The following SEMA5A variants were observed in gnomAD, a reference collection of about 807,000 sequenced individuals.
The protein encoded by SEMA5A is semaphorin 5A.
Under a neutral mutation model 135.5 loss-of-function variants are expected in SEMA5A, and 55 were observed. The ratio of observed to expected loss-of-function variants is 0.41; its 90% confidence interval spans 0.33 to 0.51. SEMA5A has a LOEUF of 0.51. Ranked by LOEUF, SEMA5A falls within the 20% of genes least tolerant of loss-of-function variation. SEMA5A has a pLI of 0.37. For synonymous variants in SEMA5A, 580 were observed against 546.5 expected, an observed-to-expected ratio of 1.06 and a Z score of -0.85; for missense variants, 1,290 against 1,419.9, an observed-to-expected ratio of 0.91 and a Z score of 1.47.
At chr5:9,346,817 T>C (rs1325205362) in intron 3 of SEMA5A, among the ~76,000 whole-genome samples, 3 of 151,950 alleles carry the variant, frequency 2.0e-5, no homozygotes, top group African/African-American at 7.3e-5. Flanking sequence ...TGGGAAGGGG[T>C]CAGGGAAATA....
rs565554879 is a variant in SEMA5A, at chr5:9,429,439, A to C, written c.-78+8317T>G. Among the ~76,000 whole-genome samples, 3 of 152,300 alleles carry C rather than the reference A, an allele frequency of 2.0e-5. No individual in the cohort carries two copies. In the East Asian group the frequency reaches 5.8e-4, roughly 29 times the overall value. On this transcript the variant is annotated intron_variant, in intron 2 of 22. Transcript: ENST00000382496. ...GCAGTGAGTGAACAAAATAAGCAAA[A>C]TCCCTGGCAGGGTAGAGCTTACATG...
chr5:9,223,773 G>A (rs1297517675), intron 8 of SEMA5A, among the ~76,000 whole-genome samples: 1 of 152,154 alleles, frequency 6.6e-6, no homozygotes, highest in Non-Finnish European at 1.5e-5. Context: ...GTGTGTGTGT[G>A]AGACCACACT....
At chr5:9,059,677 GT>G (rs1737077731) in intron 18 of SEMA5A, among the ~76,000 whole-genome samples, 1 of 152,098 alleles carries the variant, frequency 6.6e-6, no homozygotes, top group Admixed American at 6.5e-5. Flanking sequence ...AACCTCCTAA[GT>G]AGCTGGGATT....
chr5:9,484,476 T>G (rs1309201399), intron 1 of SEMA5A, among the ~76,000 whole-genome samples: 1 of 152,208 alleles, frequency 6.6e-6, no homozygotes, highest in South Asian at 2.1e-4. Flanking sequence ...TGACACTAAA[T>G]GGAAACACTA....
At chr5:9,147,474 G>A (rs575649629) in intron 12 of SEMA5A, among the ~76,000 whole-genome samples, 11 of 152,038 alleles carry the variant, frequency 7.2e-5, no homozygotes, top group East Asian at 1.9e-4. Flanking sequence ...GTTTCACCAC[G>A]TTGGCCAGGC....
chr5:9,438,458 T>C (rs1316515086), intron 1 of SEMA5A, among the ~76,000 whole-genome samples: 1 of 152,222 alleles, frequency 6.6e-6, no homozygotes, highest in African/African-American at 2.4e-5. Flanking sequence ...CAATTTCATA[T>C]ACAAAAATTC....
At chr5:9,201,871 T>A in intron 9 of SEMA5A, 84 bp downstream of exon 9, 1 of 1,359,596 alleles carries the variant, frequency 7.4e-7, no homozygotes, top group South Asian at 1.5e-5. Context: ...CTAAAGTAAA[T>A]TTAAAACCTC....
At chr5:9,228,242 G>A (rs951876011) in intron 6 of SEMA5A, among the ~76,000 whole-genome samples, 5 of 152,152 alleles carry the variant, frequency 3.3e-5, no homozygotes, top group Non-Finnish European at 5.9e-5. Flanking sequence ...GGTGTAGAGA[G>A]GCTTCCTGAA....
intron 5 of SEMA5A, among the ~76,000 whole-genome samples, chr5:9,243,269 G>T (rs1369394382): frequency 6.6e-6 from 1 of 152,142 alleles, no homozygotes; most frequent in Admixed American, 6.5e-5. Flanking sequence ...CCTGTGGTAC[G>T]ACTTGGCTTA....
intron 1 of SEMA5A, among the ~76,000 whole-genome samples, chr5:9,507,535 C>T (rs1735961649): frequency 6.6e-6 from 1 of 152,124 alleles, no homozygotes; most frequent in South Asian, 2.1e-4. Flanking sequence ...TGAGGTCTTT[C>T]CTTATTTCTT....
At position 9,202,201 on chromosome 5, in the gene SEMA5A, G is replaced by A. The variant is rs1483225636; in HGVS notation, c.686C>T (p.Thr229Ile). The A allele has an allele frequency of 6.2e-7, 1 of 1,614,034 alleles. No homozygotes were observed. The highest frequency in any genetic ancestry group is 2.2e-5 in the East Asian group (1 of 44,876). ...FVSSYDIGNFTYFFFRENAVE... is the reference protein window; with the variant it reads ...FVSSYDIGNFIYFFFRENAVE... ...TGCATTTTCTCGGAAAAAGAAGTAGGTAAAATTTCCGATGTCATAAGATGA... is the reference window on the plus strand; with the variant it reads ...TGCATTTTCTCGGAAAAAGAAGTAGATAAAATTTCCGATGTCATAAGATGA... Residue 229 changes from threonine to isoleucine, a missense_variant, in exon 9 of 23, where the codon ACC (threonine) becomes ATC (isoleucine). This residue lies in a region of SEMA5A where 145 missense variants were observed against 212.0 expected (regional missense o/e 0.68). Coordinates refer to ENST00000382496, the MANE Select transcript of SEMA5A (RefSeq NM_003966.3).
intron 12 of SEMA5A, among the ~76,000 whole-genome samples, chr5:9,138,387 AAT>A (rs750808620): frequency 1.3e-5 from 2 of 152,128 alleles, no homozygotes; most frequent in Non-Finnish European, 1.5e-5. Context: ...TTTATAGGCA[AAT>A]ATATGTTTTA....
At chr5:9,499,939 A>G (rs1483090087) in intron 1 of SEMA5A, among the ~76,000 whole-genome samples, 2 of 151,656 alleles carry the variant, frequency 1.3e-5, no homozygotes, top group African/African-American at 4.8e-5. Context: ...TCTGCCCTGA[A>G]AAAAAAAAGG....
At chr5:9,441,217 C>G (rs1758220326) in intron 1 of SEMA5A, among the ~76,000 whole-genome samples, 2 of 152,084 alleles carry the variant, frequency 1.3e-5, no homozygotes, top group African/African-American at 4.8e-5. Flanking sequence ...TCAGTATATA[C>G]TATGAATTGG....
Position 9,220,844 on chromosome 5 carries a change from A to G in SEMA5A, c.646+3830T>C, listed in dbSNP as rs550870203. On this transcript the variant is annotated intron_variant, in intron 8 of 22. Coordinates refer to ENST00000382496, the MANE Select transcript of SEMA5A (RefSeq NM_003966.3). ...CGGTCCTCAAATAATGTAACTAGAC[A>G]CTGTGGGACTGGGGAGAACCACAGC... 3.3e-5 allele frequency among the ~76,000 whole-genome samples: 5 copies of G among 152,306 alleles called. No homozygotes were observed. The East Asian group carries it at 9.6e-4, about 29-fold the overall frequency.
At chr5:9,482,147 G>C (rs1040844450) in intron 1 of SEMA5A, among the ~76,000 whole-genome samples, 2 of 152,134 alleles carry the variant, frequency 1.3e-5, no homozygotes. Flanking sequence ...AGTACAGAGT[G>C]GGATGCCCGT....
chr5:9,093,581 C>T (rs1739155464), intron 16 of SEMA5A, among the ~76,000 whole-genome samples: 1 of 152,142 alleles, frequency 6.6e-6, no homozygotes, highest in South Asian at 2.1e-4. Context: ...GTGGCGCACG[C>T]CTGTAGTCCC....
At chr5:9,112,049 G>C (rs1212095233) in intron 15 of SEMA5A, among the ~76,000 whole-genome samples, 1 of 152,180 alleles carries the variant, frequency 6.6e-6, no homozygotes, top group African/African-American at 2.4e-5. Context: ...CAAAGAATGA[G>C]CTACAATGTT....
At chr5:9,242,785 T>A (rs1056104691) in intron 5 of SEMA5A, among the ~76,000 whole-genome samples, 1 of 152,166 alleles carries the variant, frequency 6.6e-6, no homozygotes, top group African/African-American at 2.4e-5. Flanking sequence ...TTTTTTTAAA[T>A]GATCAATTTC....
Sources: allele counts gnomAD v4.1 joint callset (sites outside exome capture counted in the v4.1 genomes callset), GRCh38; gene constraint gnomAD v4.1.1; regional missense constraint gnomAD v4.1.1; transcripts MANE v1.5; gene names NCBI Gene and HGNC (gene_info 2026-07-23, HGNC 2026-07-21).